FGF12: variants seen among roughly 807,000 people sequenced by gnomAD.
FGF12 encodes fibroblast growth factor 12.
In FGF12, 14 loss-of-function variants were observed where a neutral mutation model predicts 23.6. The observed-to-expected ratio is 0.59, with a 90% CI of 0.39 to 0.93. The LOEUF (loss-of-function observed/expected upper bound fraction) is 0.93, where lower values mean the gene tolerates loss of function less well. Among genes scored for constraint, FGF12 ranks in the 40% least tolerant of loss-of-function variants. The pLI is 0.00. For synonymous variants in FGF12, 62 were observed against 77.3 expected (o/e 0.80, Z 1.04); for missense variants, 175 against 217.8 (o/e 0.80, Z 1.24).
intron 2 of FGF12, among the ~76,000 whole-genome samples, chr3:192,650,702 T>G (rs1716183973): frequency 6.6e-6 from 1 of 152,238 alleles, no homozygotes; most frequent in South Asian, 2.1e-4. Context: ...TAAAAGTTTC[T>G]GAATAAATCT....
At chr3:192,438,745 T>G (rs1722103113) in intron 2 of FGF12, among the ~76,000 whole-genome samples, 1 of 152,182 alleles carries the variant, frequency 6.6e-6, no homozygotes, top group Non-Finnish European at 1.5e-5. Flanking sequence ...GCTTGACCAG[T>G]AGGAGTGGAG....
At chr3:192,551,432 G>A (rs953503052) in intron 2 of FGF12, among the ~76,000 whole-genome samples, 1 of 152,210 alleles carries the variant, frequency 6.6e-6, no homozygotes, top group African/African-American at 2.4e-5. Flanking sequence ...TTGTTCAGGA[G>A]AGTATTCTGT....
At chr3:192,444,702 C>T (rs1435318598) in intron 2 of FGF12, among the ~76,000 whole-genome samples, 1 of 152,198 alleles carries the variant, frequency 6.6e-6, no homozygotes, top group East Asian at 1.9e-4. Flanking sequence ...AGCGCCACCT[C>T]GTGGACATGA....
intron 2 of FGF12, among the ~76,000 whole-genome samples, chr3:192,597,327 A>T (rs1033672932): frequency 2.6e-5 from 4 of 152,210 alleles, no homozygotes; most frequent in Non-Finnish European, 5.9e-5. Flanking sequence ...GAAAAAGCAA[A>T]TATAGGCATA....
At position 192,397,811 on chromosome 3, in the gene FGF12, G is replaced by A. The variant is rs146618400; in HGVS notation, c.14-37273C>T. Among the ~76,000 whole-genome samples, 291 of 151,972 alleles carry A rather than the reference G, an allele frequency of 1.9e-3. 1 individual carries two copies. Among genetic ancestry groups the A allele is most frequent in the African/African-American group, 6.4e-3 (266 of 41,440 alleles). ...AATTTGAATATAGATCCCTACTTTG[G>A]GCACTTATTTAAATTCTGCCCCTGT... On this transcript the variant is annotated intron_variant, in intron 2 of 5. Transcript: ENST00000445105.
chr3:192,511,222 T>TACACACACACAC (rs5855433), intron 2 of FGF12, among the ~76,000 whole-genome samples: 116 of 149,670 alleles, frequency 7.8e-4, no homozygotes, highest in African/African-American at 2.8e-3. Context: ...CAATTGTGTG[T>TACACACACACAC]ACACACACAC....
In FGF12 at chr3:192,378,939, T is replaced by C. The variant is rs143462039; in HGVS notation, c.14-18401A>G. ...CTCCACCCTCAAGAAGGCCCTAGCA[T>C]CTGTTGTTCCTTTCTTTGTGTCCAT... On this transcript the variant is annotated intron_variant, in intron 2 of 5. Transcript: ENST00000445105. 3.1e-3 allele frequency among the ~76,000 whole-genome samples: 476 copies of C among 152,278 alleles called. 3 individuals carry two copies. Among genetic ancestry groups the C allele is most frequent in the African/African-American group, 0.011 (464 of 41,558 alleles).
chr3:192,139,826 A>G lies in FGF12; in HGVS notation c.*4183T>C, dbSNP rs989571965. On this transcript the variant is annotated 3_prime_UTR_variant, in exon 6 of 6. Transcript: ENST00000445105. ...AATTTTTAACTTGGGCTCCAGGAAA[A>G]ATCCTGAAAAAGAAAGATCAGCATC... 64 of 152,080 alleles carry G rather than the reference A, an allele frequency of 4.2e-4. No homozygotes were observed. Among genetic ancestry groups the G allele is most frequent in the African/African-American group, 1.4e-3 (59 of 41,438 alleles). The allele number at this position is 152,080 out of a possible 1,614,324, so 9.4% of individuals were successfully genotyped here. A position where few individuals can be genotyped will look rare whatever the true frequency, so the allele number is the denominator to read the frequency against.
chr3:192,190,279 T>C (rs1172959811), intron 4 of FGF12, among the ~76,000 whole-genome samples: 3 of 152,068 alleles, frequency 2.0e-5, no homozygotes, highest in East Asian at 3.9e-4. Context: ...TGAAGTTTTA[T>C]GTTTCAAAAA....
chr3:192,460,009 G>C (rs142479273), intron 2 of FGF12, among the ~76,000 whole-genome samples: 1 of 151,964 alleles, frequency 6.6e-6, no homozygotes, highest in Non-Finnish European at 1.5e-5. Context: ...TCTAGTCTTC[G>C]AGTCATGCAG....
chr3:192,499,695 C>T (rs11917822), intron 2 of FGF12, among the ~76,000 whole-genome samples: 3 of 150,508 alleles, frequency 2.0e-5, no homozygotes, highest in Non-Finnish European at 4.4e-5. Context: ...CCTCACACGG[C>T]TAATTGTTTG....
At chr3:192,614,985 G>C (rs1714694494) in intron 2 of FGF12, among the ~76,000 whole-genome samples, 1 of 151,574 alleles carries the variant, frequency 6.6e-6, no homozygotes, top group African/African-American at 2.4e-5. Context: ...AAATCATCTT[G>C]ACCAGATCTA....
intron 4 of FGF12, chr3:192,238,245 AG>A (rs1719405374): frequency 6.6e-6 from 1 of 152,646 alleles, no homozygotes; most frequent in Non-Finnish European, 1.5e-5. Context: ...ACACTCTGGC[AG>A]GGGCTGCTGG....
intron 4 of FGF12, among the ~76,000 whole-genome samples, chr3:192,262,240 G>A (rs983144051): frequency 1.4e-4 from 22 of 152,126 alleles, no homozygotes; most frequent in African/African-American, 4.3e-4. Context: ...TATGCTGGCC[G>A]TGGGGAGGCA....
chr3:192,636,949 G>A (rs1385297635), intron 2 of FGF12, among the ~76,000 whole-genome samples: 1 of 152,156 alleles, frequency 6.6e-6, no homozygotes, highest in Non-Finnish European at 1.5e-5. Flanking sequence ...GGTGGGAGAA[G>A]GGAGGTGATA....
intron 4 of FGF12, among the ~76,000 whole-genome samples, chr3:192,209,453 A>C (rs1223308659): frequency 6.6e-6 from 1 of 152,220 alleles, no homozygotes; most frequent in Admixed American, 6.5e-5. Context: ...TGCCTTGTTT[A>C]AACCACTTTT....
chr3:192,434,732 T>C (rs184212552), intron 2 of FGF12, among the ~76,000 whole-genome samples: 4 of 152,254 alleles, frequency 2.6e-5, no homozygotes, highest in Admixed American at 1.3e-4. Flanking sequence ...GTTGTGCTAC[T>C]CGAAATACAG....
intron 2 of FGF12, among the ~76,000 whole-genome samples, chr3:192,648,552 G>C (rs9291030): frequency 6.6e-6 from 1 of 151,010 alleles, no homozygotes; most frequent in African/African-American, 2.4e-5. Context: ...TTTAACAAAA[G>C]CAAATTGTTT....
intron 4 of FGF12, among the ~76,000 whole-genome samples, chr3:192,275,281 CCAAA>C (rs1319602859): frequency 6.6e-6 from 1 of 151,658 alleles, no homozygotes; most frequent in Non-Finnish European, 1.5e-5. Context: ...ACTCACATCC[CCAAA>C]CAGTCCAGTT....
Sources: allele counts gnomAD v4.1 joint callset (sites outside exome capture counted in the v4.1 genomes callset), GRCh38; gene constraint gnomAD v4.1.1; transcripts MANE v1.5; gene names NCBI Gene and HGNC (gene_info 2026-07-23, HGNC 2026-07-21).